ALOX15: variants seen among roughly 807,000 people sequenced by gnomAD.
ALOX15 encodes arachidonate 15-lipoxygenase.
ALOX15 carries 68 observed loss-of-function variants against 71.7 expected under a neutral mutation model. The ratio of observed to expected loss-of-function variants is 0.95; its 90% CI spans 0.78 to 1.16. The LOEUF is 1.16. Ranked by LOEUF, ALOX15 falls within the 50% of genes most tolerant of loss-of-function variation. The probability of loss-of-function intolerance (pLI) is 0.00; values close to 1 mark genes in which losing one functional copy is unlikely to be tolerated. For synonymous variants in ALOX15, 346 were observed against 333.3 expected (o/e 1.04, Z -0.42); for missense variants, 798 against 818.8 (o/e 0.97, Z 0.31).
intron 1 of ALOX15, 65 bp downstream of exon 1, chr17:4,641,452 C>A: frequency 6.4e-7 from 1 of 1,569,708 alleles, no homozygotes; most frequent in South Asian, 1.1e-5. Flanking sequence ...CGCATGTCCT[C>A]CCCGGTATTT....
Position 4,631,607 on chromosome 17 carries a change from G to A in ALOX15, c.1982C>T (p.Ala661Val), listed in dbSNP as rs780416809. ...ACCAAAGGGTGGCGACGCTTAGATG[G>A]CCACACTGTTTTCCACCACGCTGGG... ...LRPSVVENSVAI is the reference protein window; with the variant it reads ...LRPSVVENSVVI The change falls in exon 14 of 14, where the codon GCC becomes GTC. Residue 661 changes from alanine to valine, a missense_variant. Physicochemically the swap from Ala to Val is moderately conservative, Grantham distance 64. Around this residue, in one of 3 missense-constraint regions of ALOX15, gnomAD observed 490 missense variants for 509.4 expected, o/e 0.96. Transcript: ENST00000293761. 1.6e-5 allele frequency: 25 copies of A among 1,612,822 alleles called. No homozygotes were observed. The Admixed American group carries it at 2.8e-4, about 18-fold the overall frequency.
In ALOX15 at chr17:4,641,676, T is replaced by C; in HGVS notation, c.-25A>G. 6.8e-7 allele frequency: 1 copy of C among 1,465,238 alleles called. No individual in the cohort carries two copies. Among genetic ancestry groups the C allele is most frequent in the South Asian group, 1.2e-5 (1 of 86,280 alleles). The allele number at this position is 1,465,238 out of a possible 1,614,324, so 90.8% of individuals were successfully genotyped here. On this transcript the variant is annotated 5_prime_UTR_variant, in exon 1 of 14. Transcript: ENST00000293761. ...TCTTGCTCAAAGATGTTTCGCTCCT[T>C]CTGGTGGAGAAGGGTGGACGAGCTA...
Position 4,641,547 on chromosome 17 carries a change from G to C in ALOX15, c.105C>G (p.Leu35=). Residue 35 remains leucine, a synonymous_variant, in exon 1 of 14, where the codon CTC becomes CTG. Coordinates refer to ENST00000293761, the MANE Select transcript of ALOX15 (RefSeq NM_001140.5). ...WLVGQHGEAA[L]GKRLWPARGK... ...CCCGTGCGGGCCACAGTCGCTTCCC[G>C]AGCGCCGCCTCCCCGTGCTGGCCGA... is the stretch of plus-strand genomic sequence containing the variant. 21 of 1,613,268 alleles carry C rather than the reference G, an allele frequency of 1.3e-5. No homozygotes were observed. The highest frequency in any genetic ancestry group is 1.8e-5 in the Non-Finnish European group (21 of 1,179,958).
rs369366245 is a variant in ALOX15, at chr17:4,632,825, T to C, written c.1540+36A>G. 12 of 1,613,514 alleles carry C rather than the reference T, an allele frequency of 7.4e-6. No homozygotes were observed. The African/African-American group carries it at 1.5e-4, about 20-fold the overall frequency. On this transcript the variant is annotated intron_variant, in intron 11 of 13. Coordinates refer to ENST00000293761, the MANE Select transcript of ALOX15 (RefSeq NM_001140.5). ...GGATTCTGGGAAGATCTCTTGGGCTTTGTGTCTGAGATCTCAGGGCAGGGG... is the reference window on the plus strand; with the variant it reads ...GGATTCTGGGAAGATCTCTTGGGCTCTGTGTCTGAGATCTCAGGGCAGGGG...
In ALOX15 at chr17:4,631,541, G is replaced by A. The variant is rs1223217280; in HGVS notation, c.*59C>T. Reference sequence around the variant, plus strand: ...CTTGGGAGGGCAGGGCTATAACCACGAAGGGGTCAGCTTGTGGCTTGGGTG... The same window carrying A: ...CTTGGGAGGGCAGGGCTATAACCACAAAGGGGTCAGCTTGTGGCTTGGGTG... On this transcript the variant is annotated 3_prime_UTR_variant, in exon 14 of 14. Transcript: ENST00000293761. 25 of 1,593,950 alleles carry A rather than the reference G, an allele frequency of 1.6e-5. No homozygotes were observed. The highest frequency in any genetic ancestry group is 5.7e-5 in the South Asian group (5 of 88,306).
At chr17:4,634,796 T>C (rs951389974) in intron 8 of ALOX15, among the ~76,000 whole-genome samples, 59 of 151,604 alleles carry the variant, frequency 3.9e-4, no homozygotes, top group Admixed American at 3.9e-3. Flanking sequence ...CTGACCAACA[T>C]GGCAAAACCT....
rs997191608 is a variant in ALOX15, at chr17:4,641,391, G to A, written c.135+126C>T. 15 of 1,410,990 alleles carry A rather than the reference G, an allele frequency of 1.1e-5. No homozygotes were observed. In the African/African-American group the frequency reaches 1.6e-4, roughly 15 times the overall value. 87.4% of individuals were successfully genotyped at this position (1,410,990 alleles called of 1,614,324 possible). ...CCCCCGTGGCCTCCGCGCGCTTTGA[G>A]CCCAATGCGCGGGCCCTTGGCAAAG... On this transcript the variant is annotated intron_variant, in intron 1 of 13. Coordinates refer to ENST00000293761, the MANE Select transcript of ALOX15 (RefSeq NM_001140.5).
rs776154712 is a variant in ALOX15, at chr17:4,633,215, C to T, written c.1349G>A (p.Arg450Gln). The change falls in exon 10 of 14, where the codon CGG (arginine) becomes CAG (glutamine). Residue 450 changes from arginine to glutamine, a missense_variant. Arg to Gln is a conservative substitution (Grantham distance 43). Around this residue, in one of 3 missense-constraint regions of ALOX15, gnomAD observed 490 missense variants for 509.4 expected, o/e 0.96. Transcript: ENST00000293761. ...SFCPPDDLAD[R>Q]GLLGVKSSFY... is the part of the protein sequence containing the mutation. ...GGAAGACTTCACTCCCAGGAGCCCC[C>T]GGTCGGCCAAGTCATCAGGGGGACA... The T allele has an allele frequency of 7.4e-6, 12 of 1,614,046 alleles. No individual in the cohort carries two copies. In the East Asian group the frequency reaches 8.9e-5, roughly 12 times the overall value.
chr17:4,631,363 G>A lies in ALOX15; in HGVS notation c.*237C>T, dbSNP rs1910888167. On this transcript the variant is annotated 3_prime_UTR_variant, in exon 14 of 14. Transcript: ENST00000293761. ...CATATAGATCTGAATGAAGAAAGAG[G>A]AAGAGAGAGAGGAAGGAAGATAGGA... 1 of 554,858 alleles carries A rather than the reference G, an allele frequency of 1.8e-6. No homozygotes were observed. Among genetic ancestry groups the A allele is most frequent in the Admixed American group, 3.2e-5 (1 of 30,986 alleles). The allele number at this position is 554,858 out of a possible 1,614,324, so 34.4% of individuals were successfully genotyped here. A position where few individuals can be genotyped will look rare whatever the true frequency, so the allele number is the denominator to read the frequency against.
chr17:4,639,333 C>A, intron 2 of ALOX15, 97 bp downstream of exon 2: 1 of 1,504,988 alleles, frequency 6.6e-7, no homozygotes, highest in South Asian at 1.2e-5. Context: ...GCTCCAGGTT[C>A]CAGCACCCCC....
At chr17:4,636,498 T>G (rs544720219) in intron 7 of ALOX15, among the ~76,000 whole-genome samples, 25 of 152,230 alleles carry the variant, frequency 1.6e-4, no homozygotes, top group East Asian at 5.8e-4. Context: ...CCCTCTGCAC[T>G]CGCATCCACC....
rs752075488 is a variant in ALOX15, at chr17:4,641,540, G to C, written c.112C>G (p.Arg38Gly). ...ACCTTGCCCCGTGCGGGCCACAGTC[G>C]CTTCCCGAGCGCCGCCTCCCCGTGC... ...GQHGEAALGKRLWPARGKETE... is the reference protein window; with the variant it reads ...GQHGEAALGKGLWPARGKETE... Residue 38 changes from arginine (R) to glycine (G), a missense_variant, in exon 1 of 14, where the codon CGA (arginine) becomes GGA (glycine). Arg to Gly is a moderately radical substitution (Grantham distance 125). Coordinates refer to ENST00000293761, the MANE Select transcript of ALOX15 (RefSeq NM_001140.5). The C allele has an allele frequency of 1.9e-6, 3 of 1,613,020 alleles. No homozygotes were observed. Among genetic ancestry groups the C allele is most frequent in the Admixed American group, 3.3e-5 (2 of 59,990 alleles).
chr17:4,631,629 T>A lies in ALOX15; in HGVS notation c.1960A>T (p.Ser654Cys), dbSNP rs759246570. The A allele has an allele frequency of 6.2e-7, 1 of 1,613,718 alleles. No homozygotes were observed. The highest frequency in any genetic ancestry group is 1.1e-5 in the South Asian group (1 of 91,066). ...ATGGCCACACTGTTTTCCACCACGCTGGGCCGCAGGTACTCGTAGGGCATG... is the reference window on the plus strand; with the variant it reads ...ATGGCCACACTGTTTTCCACCACGCAGGGCCGCAGGTACTCGTAGGGCATG... The part of the protein sequence containing the change: ...LDMPYEYLRP[S>C]VVENSVAI The change falls in exon 14 of 14, where the codon AGC becomes TGC. Residue 654 changes from serine (S) to cysteine (C), a missense_variant. This residue lies in a region of ALOX15 where 490 missense variants were observed against 509.4 expected (regional missense o/e 0.96). Coordinates refer to ENST00000293761, the MANE Select transcript of ALOX15 (RefSeq NM_001140.5).
intron 8 of ALOX15, among the ~76,000 whole-genome samples, chr17:4,634,457 C>G (rs951856575): frequency 6.6e-6 from 1 of 151,688 alleles, no homozygotes; most frequent in Non-Finnish European, 1.5e-5. Flanking sequence ...CGTGAACCAC[C>G]GTGCCTGGCC....
chr17:4,636,096 C>T (rs775140631), intron 7 of ALOX15, 128 bp from the exon 8 acceptor site: 180 of 988,378 alleles, frequency 1.8e-4, no homozygotes, highest in Non-Finnish European at 2.6e-4. Context: ...CTCACTCCTG[C>T]CGCTCCCTAC....
Position 4,631,672 on chromosome 17 carries a change from G to T in ALOX15, c.1917C>A (p.Ile639=), listed in dbSNP as rs758672770. The change falls in exon 14 of 14, where the codon ATC becomes ATA. Residue 639 remains isoleucine, a synonymous_variant. Coordinates refer to ENST00000293761, the MANE Select transcript of ALOX15 (RefSeq NM_001140.5). ...AGGGCATGTCCAGCTTTGCATTCCG[G>T]ATCTCAATTTCCTTATCCAGGGCAG... is the stretch of plus-strand genomic sequence containing the variant. ...ELAALDKEIE[I]RNAKLDMPYE... is the part of the protein sequence containing the mutation. 41 of 1,614,052 alleles carry T rather than the reference G, an allele frequency of 2.5e-5. No homozygotes were observed. The East Asian group carries it at 8.9e-4, about 35-fold the overall frequency.
intron 2 of ALOX15, 84 bp from the exon 3 acceptor site, chr17:4,639,216 C>T: frequency 6.5e-7 from 1 of 1,544,332 alleles, no homozygotes. Flanking sequence ...AGCACCCCGT[C>T]CTTCTGTGTG....
At chr17:4,631,823 A>C in intron 13 of ALOX15, 44 bp from the exon 14 acceptor site, 1 of 1,610,926 alleles carries the variant, frequency 6.2e-7, no homozygotes, top group East Asian at 2.2e-5. Context: ...TATGACCCCC[A>C]GTCTGGGATG....
Position 4,638,210 on chromosome 17 carries a change from T to A in ALOX15, c.807+7A>T. Reference sequence around the variant, plus strand: ...GCTGAGCTTCCTCAGGGCTCTGATGTCCATACCTCCAGCTCCTTCTCCAGC... The same window carrying A: ...GCTGAGCTTCCTCAGGGCTCTGATGACCATACCTCCAGCTCCTTCTCCAGC... On this transcript the variant is annotated splice_region_variant and intron_variant, in intron 6 of 13. Coordinates refer to ENST00000293761, the MANE Select transcript of ALOX15 (RefSeq NM_001140.5). The A allele has an allele frequency of 1.6e-6, 1 of 642,376 alleles. No individual in the cohort carries two copies. 39.8% of individuals were successfully genotyped at this position (642,376 alleles called of 1,614,324 possible).
Sources: allele counts gnomAD v4.1 joint callset (sites outside exome capture counted in the v4.1 genomes callset), GRCh38; gene constraint gnomAD v4.1.1; regional missense constraint gnomAD v4.1.1; transcripts MANE v1.5; gene names NCBI Gene and HGNC (gene_info 2026-07-23, HGNC 2026-07-21).